DNER: variants seen among roughly 807,000 people sequenced by gnomAD.
The protein encoded by DNER is delta/notch like EGF repeat containing.
In DNER, 33 loss-of-function variants were observed where a neutral mutation model predicts 78.2. That is an observed-to-expected ratio of 0.42 (90% confidence interval 0.32 to 0.56). The LOEUF is 0.56. Among genes scored for constraint, DNER ranks in the 20% least tolerant of loss-of-function variants. The pLI is 0.11. For synonymous variants in DNER, 417 were observed against 384.8 expected, an observed-to-expected ratio of 1.08 and a Z score of -0.98; for missense variants, 918 against 975.3, an observed-to-expected ratio of 0.94 and a Z score of 0.78.
At chr2:229,704,466 T>A (rs1699795210) in intron 1 of DNER, among the ~76,000 whole-genome samples, 1 of 152,214 alleles carries the variant, frequency 6.6e-6, no homozygotes. Context: ...TGTCATCAGT[T>A]AGTGAAAGGA....
At chr2:229,587,707 G>A (rs78019220) in intron 3 of DNER, among the ~76,000 whole-genome samples, 4,726 of 152,204 alleles carry the variant, frequency 0.031, 238 homozygotes, top group African/African-American at 0.11. Context: ...GATGGGCAGT[G>A]GGGGGTTGTC....
At chr2:229,713,851 C>G (rs1264338817) in intron 1 of DNER, among the ~76,000 whole-genome samples, 1 of 152,038 alleles carries the variant, frequency 6.6e-6, no homozygotes, top group Non-Finnish European at 1.5e-5. Context: ...CCTGGAGGGG[C>G]GCGCCACTCA....
At position 229,655,253 on chromosome 2, in the gene DNER, T is replaced by C. The variant is rs893175096; in HGVS notation, c.276+58895A>G. 1.1e-4 allele frequency among the ~76,000 whole-genome samples: 17 copies of C among 151,336 alleles called. 1 individual carries two copies. Among genetic ancestry groups the C allele is most frequent in the African/African-American group, 3.1e-4 (13 of 41,274 alleles). On this transcript the variant is annotated intron_variant, in intron 1 of 12. Transcript: ENST00000341772. ...AAAGAAATGAAATAAAATATACAAA[T>C]ATATAACAAAAATAATTTTTAAGTT...
chr2:229,422,522 G>A (rs879226971), intron 8 of DNER, among the ~76,000 whole-genome samples: 1 of 152,104 alleles, frequency 6.6e-6, no homozygotes, highest in Admixed American at 6.5e-5. Flanking sequence ...GGAGATGGCT[G>A]CCATGTCTAG....
chr2:229,411,298 G>T (rs955192169), intron 9 of DNER, among the ~76,000 whole-genome samples: 1 of 152,032 alleles, frequency 6.6e-6, no homozygotes, highest in Non-Finnish European at 1.5e-5. Context: ...AGCTCACGCC[G>T]GTAATCCCAG....
intron 5 of DNER, among the ~76,000 whole-genome samples, chr2:229,538,011 T>G (rs1351353525): frequency 6.6e-6 from 1 of 152,234 alleles, no homozygotes; most frequent in Non-Finnish European, 1.5e-5. Flanking sequence ...CCAAGAATTA[T>G]AATTCAAACA....
intron 1 of DNER, among the ~76,000 whole-genome samples, chr2:229,611,835 T>C (rs1698054192): frequency 6.6e-6 from 1 of 152,168 alleles, no homozygotes. Context: ...AATAACCACC[T>C]TGAAACCTTC....
chr2:229,655,591 G>C (rs1698899422), intron 1 of DNER, among the ~76,000 whole-genome samples: 1 of 152,104 alleles, frequency 6.6e-6, no homozygotes, highest in Non-Finnish European at 1.5e-5. Flanking sequence ...GTTGAATTTG[G>C]AATACATAAA....
chr2:229,559,233 G>A (rs1162017853), intron 4 of DNER, among the ~76,000 whole-genome samples: 1 of 152,060 alleles, frequency 6.6e-6, no homozygotes, highest in African/African-American at 2.4e-5. Flanking sequence ...GAAACATCAT[G>A]GCTGAAGATT....
At chr2:229,627,028 A>G (rs1418081111) in intron 1 of DNER, among the ~76,000 whole-genome samples, 1 of 152,216 alleles carries the variant, frequency 6.6e-6, no homozygotes, top group Non-Finnish European at 1.5e-5. Flanking sequence ...AGAGCAGGCA[A>G]CACATTTTTC....
intron 9 of DNER, among the ~76,000 whole-genome samples, chr2:229,413,321 C>CTTTTTTTTTTTTTTCTTT (rs1693567719): frequency 1.5e-5 from 1 of 67,774 alleles, no homozygotes; most frequent in African/African-American, 4.9e-5. Context: ...TTTTCTTCTT[C>CTTTTTTTTTTTTTTCTTT]TTTTTTTTTT....
chr2:229,559,632 G>A (rs917635679), intron 4 of DNER, among the ~76,000 whole-genome samples: 1 of 152,092 alleles, frequency 6.6e-6, no homozygotes, highest in Non-Finnish European at 1.5e-5. Context: ...AAAGACAGAA[G>A]AAAGGGAAGG....
intron 6 of DNER, among the ~76,000 whole-genome samples, chr2:229,491,564 G>T (rs1021468801): frequency 6.6e-6 from 1 of 152,158 alleles, no homozygotes; most frequent in African/African-American, 2.4e-5. Context: ...CTATTCCCCT[G>T]ATAGTCACAC....
At chr2:229,552,391 G>A (rs1696762783) in intron 4 of DNER, among the ~76,000 whole-genome samples, 1 of 152,184 alleles carries the variant, frequency 6.6e-6, no homozygotes, top group Non-Finnish European at 1.5e-5. Context: ...AATCTGGAGG[G>A]TGCTGCTATG....
intron 10 of DNER, among the ~76,000 whole-genome samples, chr2:229,390,603 A>G (rs186400428): frequency 6.6e-6 from 1 of 152,176 alleles, no homozygotes. Context: ...AAATAGGATG[A>G]CCTCTTTCTG....
chr2:229,372,668 G>A (rs1442957072), intron 11 of DNER, among the ~76,000 whole-genome samples: 2 of 152,184 alleles, frequency 1.3e-5, no homozygotes, highest in Non-Finnish European at 2.9e-5. Context: ...GTTCCAATTT[G>A]CACTTTGAAA....
intron 5 of DNER, among the ~76,000 whole-genome samples, chr2:229,515,730 T>A (rs538412777): frequency 3.0e-4 from 45 of 148,074 alleles, no homozygotes; most frequent in African/African-American, 1.0e-3. Flanking sequence ...AATCTCTACC[T>A]CCTGGGTGCA....
intron 6 of DNER, among the ~76,000 whole-genome samples, chr2:229,493,137 G>C (rs1203842367): frequency 6.6e-6 from 1 of 152,188 alleles, no homozygotes; most frequent in Admixed American, 6.5e-5. Context: ...CTTAGTCAGT[G>C]TGCAAAAGAG....
intron 1 of DNER, among the ~76,000 whole-genome samples, chr2:229,689,966 C>T (rs138347553): frequency 6.6e-6 from 1 of 152,318 alleles, no homozygotes; most frequent in African/African-American, 2.4e-5. Flanking sequence ...ACACAGGATT[C>T]CTACATGCAT....
Sources: gnomAD v4.1 joint callset for allele counts (sites outside exome capture counted in the v4.1 genomes callset) on GRCh38, gnomAD v4.1.1 for gene constraint, MANE v1.5 for transcripts, NCBI Gene and HGNC (gene_info 2026-07-23, HGNC 2026-07-21) for gene names.